The following C10orf90 variants were observed in gnomAD, a reference collection of about 807,000 sequenced individuals.
C10orf90 encodes (E2-independent) E3 ubiquitin-conjugating enzyme FATS.
In C10orf90, 56 loss-of-function variants were observed where a neutral mutation model predicts 62.5. That is an observed-to-expected ratio of 0.90 (90% CI 0.72 to 1.12). The LOEUF is 1.12. C10orf90 is among the 50% of genes most tolerant of loss of function. The pLI, the probability that C10orf90 is intolerant of heterozygous loss-of-function variation, is 0.00. For synonymous variants in C10orf90, 386 were observed against 340.4 expected (o/e 1.13, Z -1.47); for missense variants, 970 against 880.4 (o/e 1.10, Z -1.29).
chr10:126,588,283 TG>T (rs1157870525), intron 2 of C10orf90, among the ~76,000 whole-genome samples: 1 of 152,240 alleles, frequency 6.6e-6, no homozygotes, highest in Admixed American at 6.5e-5. Context: ...GCTGGCAGTC[TG>T]CATGAGGGGG....
intron 1 of C10orf90, among the ~76,000 whole-genome samples, chr10:126,658,530 C>T (rs765190121): frequency 2.6e-5 from 4 of 152,158 alleles, no homozygotes; most frequent in Non-Finnish European, 5.9e-5. Flanking sequence ...TAGGTGAATC[C>T]ACCTGTGAGT....
At chr10:126,611,549 T>C (rs776373603) in intron 2 of C10orf90, among the ~76,000 whole-genome samples, 1 of 152,252 alleles carries the variant, frequency 6.6e-6, no homozygotes, top group Non-Finnish European at 1.5e-5. Flanking sequence ...ATTTAACCTT[T>C]GGAGGAGCTG....
At chr10:126,587,417 G>A (rs1844895197) in intron 2 of C10orf90, among the ~76,000 whole-genome samples, 1 of 152,146 alleles carries the variant, frequency 6.6e-6, no homozygotes, top group South Asian at 2.1e-4. Flanking sequence ...TTCTGGTGAG[G>A]GCCCTCTTCC....
At chr10:126,575,738 G>C (rs1343180463) in intron 2 of C10orf90, among the ~76,000 whole-genome samples, 4 of 151,916 alleles carry the variant, frequency 2.6e-5, no homozygotes, top group African/African-American at 9.7e-5. Flanking sequence ...CAGATACATA[G>C]ACCCATGAAA....
At chr10:126,482,743 C>T (rs1012784705) in intron 4 of C10orf90, among the ~76,000 whole-genome samples, 20 of 152,180 alleles carry the variant, frequency 1.3e-4, no homozygotes, top group Non-Finnish European at 2.2e-4. Flanking sequence ...AGATCAGCTT[C>T]CCAGGCCATG....
chr10:126,568,999 G>T (rs1844449559), intron 2 of C10orf90, among the ~76,000 whole-genome samples: 6 of 152,158 alleles, frequency 3.9e-5, no homozygotes, highest in Admixed American at 3.9e-4. Flanking sequence ...AGCCCTGCTG[G>T]GGGCAGGGCT....
At chr10:126,489,837 C>T (rs1012217369) in intron 4 of C10orf90, among the ~76,000 whole-genome samples, 28 of 149,938 alleles carry the variant, frequency 1.9e-4, no homozygotes, top group Middle Eastern at 6.9e-3. Flanking sequence ...ACCCAAGTGT[C>T]CATCAACAGA....
chr10:126,538,796 C>T (rs1018149161), intron 2 of C10orf90, among the ~76,000 whole-genome samples: 2 of 152,184 alleles, frequency 1.3e-5, no homozygotes. Flanking sequence ...TACCATTCTA[C>T]CTCTGCTTAT....
At chr10:126,667,324 C>T (rs1846651354) in intron 1 of C10orf90, among the ~76,000 whole-genome samples, 1 of 152,056 alleles carries the variant, frequency 6.6e-6, no homozygotes, top group Admixed American at 6.5e-5. Flanking sequence ...TCCCAAAGTG[C>T]TGGGATTACA....
At chr10:126,489,966 A>T (rs1251103600) in intron 4 of C10orf90, among the ~76,000 whole-genome samples, 16 of 129,090 alleles carry the variant, frequency 1.2e-4, no homozygotes, top group Non-Finnish European at 2.4e-4. Flanking sequence ...GTGTGTGTGT[A>T]TATATACATA....
At position 126,504,777 on chromosome 10, in the gene C10orf90, G is replaced by T. The variant is rs1862620293; in HGVS notation, c.714C>A (p.Thr238=). The T allele has an allele frequency of 6.3e-7, 1 of 1,584,984 alleles. No individual in the cohort carries two copies. Among genetic ancestry groups the T allele is most frequent in the African/African-American group, 1.3e-5 (1 of 74,310 alleles). ...GGGGGCCCACGCGTCTGGCCGTGAT[G>T]GTGATGGATGCAAACCCTCTGCGGG... ...GGPRRGFASI[T]ITARRVGPPA... The change falls in exon 4 of 10, where the codon ACC becomes ACA. Residue 238 remains threonine, a synonymous_variant. Transcript: ENST00000488181. The surrounding 1 kb of genome is among the most constrained non-coding windows in gnomAD (Gnocchi z 4.1).
At chr10:126,460,752 G>A (rs1859920121) in intron 6 of C10orf90, among the ~76,000 whole-genome samples, 1 of 152,132 alleles carries the variant, frequency 6.6e-6, no homozygotes, top group South Asian at 2.1e-4. Context: ...AGCCAATGGA[G>A]CCATCTCCAC....
At chr10:126,489,978 AAT>A (rs1266167556) in intron 4 of C10orf90, among the ~76,000 whole-genome samples, 14 of 121,982 alleles carry the variant, frequency 1.1e-4, no homozygotes, top group South Asian at 4.6e-4. Flanking sequence ...ATATACATAT[AAT>A]ATATATATAA....
intron 2 of C10orf90, among the ~76,000 whole-genome samples, chr10:126,641,707 G>C (rs1846062840): frequency 6.6e-6 from 1 of 151,994 alleles, no homozygotes; most frequent in African/African-American, 2.4e-5. Flanking sequence ...TGCAGAATGG[G>C]GATCTGAAAG....
intron 2 of C10orf90, among the ~76,000 whole-genome samples, chr10:126,542,704 TAC>T (rs200615586): frequency 7.2e-5 from 11 of 151,890 alleles, no homozygotes; most frequent in African/African-American, 2.4e-4. Context: ...GCATGGCAAA[TAC>T]ACACACACAC....
chr10:126,475,376 G>T (rs1312995204), intron 4 of C10orf90, among the ~76,000 whole-genome samples: 1 of 152,110 alleles, frequency 6.6e-6, no homozygotes, highest in African/African-American at 2.4e-5. Context: ...CCACACACAA[G>T]CAGATCTTGA....
rs1862608305 is a variant in C10orf90 at position 126,504,658 on chromosome 10, G to A, written c.833C>T (p.Ala278Val). ...DTLFQAPPAL[A>V]NGAHPGRHQR... is the part of the protein sequence containing the mutation. ...ATGCCGACCTGGATGGGCGCCATTG[G>A]CCAGAGCCGGGGGCGCCTGGAACAG... The change falls in exon 4 of 10, where the codon GCC (alanine) becomes GTC (valine). Residue 278 changes from alanine to valine, a missense_variant. Transcript: ENST00000488181. This position sits in a 1 kb window ranked among gnomAD's most constrained non-coding sequence, Gnocchi z 4.1. 1 of 1,614,082 alleles carries A rather than the reference G, an allele frequency of 6.2e-7. No individual in the cohort carries two copies. The highest frequency in any genetic ancestry group is 8.5e-7 in the Non-Finnish European group (1 of 1,180,052).
At position 126,631,286 on chromosome 10, in the gene C10orf90, C is replaced by G. The variant is rs76359588; in HGVS notation, c.313+15279G>C. Among the ~76,000 whole-genome samples, 694 of 152,264 alleles carry G rather than the reference C, an allele frequency of 4.6e-3. 2 individuals are homozygous for G. Among genetic ancestry groups the G allele is most frequent in the Non-Finnish European group, 7.1e-3 (481 of 68,024 alleles). ...CCAACTCGTTTTCCTACTACTCACG[C>G]CATTTCTTGGTAGGATCAAGCCACA... On this transcript the variant is annotated intron_variant, in intron 2 of 9. Coordinates refer to ENST00000488181, the MANE Select transcript of C10orf90 (RefSeq NM_001350921.2).
chr10:126,522,312 A>G (rs192551708), intron 2 of C10orf90, among the ~76,000 whole-genome samples: 118 of 152,342 alleles, frequency 7.7e-4, no homozygotes, highest in Non-Finnish European at 1.3e-3. Flanking sequence ...ACTGGTACAG[A>G]TGAATCACAA....
Sources: gnomAD v4.1 joint callset for allele counts (sites outside exome capture counted in the v4.1 genomes callset) on GRCh38, gnomAD v4.1.1 for gene constraint, Gnocchi (gnomAD v3.1) non-coding constraint, MANE v1.5 for transcripts, NCBI Gene and HGNC (gene_info 2026-07-23, HGNC 2026-07-21) for gene names.